The following SPAG9 variants were observed in gnomAD, a reference collection of about 807,000 sequenced individuals.
The protein encoded by SPAG9 is sperm associated antigen 9.
Under a neutral mutation model 166.5 loss-of-function variants are expected in SPAG9, and 35 were observed. The observed-to-expected ratio is 0.21, with a 90% CI of 0.16 to 0.28. The LOEUF (loss-of-function observed/expected upper bound fraction) is 0.28, where lower values mean the gene tolerates loss of function less well. Among genes scored for constraint, SPAG9 ranks in the 10% least tolerant of loss-of-function variants. The pLI is 1.00. For missense variants in SPAG9, 1,235 were observed against 1,603.3 expected, an observed-to-expected ratio of 0.77 and a Z score of 3.92; for synonymous variants, 534 against 565.5, an observed-to-expected ratio of 0.94 and a Z score of 0.79.
chr17:51,065,119 A>G (rs1446848599), intron 2 of SPAG9, among the ~76,000 whole-genome samples: 1 of 152,170 alleles, frequency 6.6e-6, no homozygotes, highest in Non-Finnish European at 1.5e-5. Context: ...ACAAAATTCC[A>G]TCTCAAAAAA....
intron 5 of SPAG9, among the ~76,000 whole-genome samples, chr17:51,035,251 A>C (rs1053743463): frequency 1.3e-5 from 2 of 152,214 alleles, no homozygotes; most frequent in African/African-American, 4.8e-5. Context: ...AGGTTTACCT[A>C]ACAGTATTGT....
chr17:50,970,784 T>TG lies in SPAG9; in HGVS notation c.3772dup (p.Gln1258ProfsTer5). ...CAAGGGCGTCTGACTACCAGGCTCC[T>TG]GTGCAGATGGCCCTGCTTTGTCACC... On this transcript the variant is annotated frameshift_variant, in exon 29 of 30. Transcript: ENST00000262013. LOFTEE classifies it high-confidence loss of function. 1 of 1,614,136 alleles carries TG rather than the reference T, an allele frequency of 6.2e-7. No homozygotes were observed. The highest frequency in any genetic ancestry group is 2.2e-5 in the East Asian group (1 of 44,882).
chr17:51,086,787 T>C (rs1463576963), intron 1 of SPAG9, among the ~76,000 whole-genome samples: 7 of 152,152 alleles, frequency 4.6e-5, no homozygotes, highest in Non-Finnish European at 1.0e-4. Context: ...CTGGGCGTGG[T>C]GGCAGGTGTG....
At chr17:50,976,946 A>C in intron 27 of SPAG9, 162 bp downstream of exon 27, 2 of 558,370 alleles carry the variant, frequency 3.6e-6, no homozygotes, top group South Asian at 4.5e-5. Context: ...ATACATGAAA[A>C]CTTATTTTCC....
chr17:50,974,747 T>A (rs1425856717), intron 28 of SPAG9, 24 bp downstream of exon 28: 20 of 1,571,314 alleles, frequency 1.3e-5, no homozygotes, highest in East Asian at 2.3e-5. Context: ...ACATGGAACA[T>A]CTCAACAGAA....
At chr17:51,083,543 TTTTATTTATTTA>T (rs71149341) in intron 1 of SPAG9, among the ~76,000 whole-genome samples, 58 of 141,176 alleles carry the variant, frequency 4.1e-4, no homozygotes, top group East Asian at 2.5e-3. Context: ...AGCCTCTTTA[TTTTATTTATTTA>T]TTTATTTATT....
At chr17:50,976,348 G>A (rs1974206925) in intron 27 of SPAG9, among the ~76,000 whole-genome samples, 1 of 152,116 alleles carries the variant, frequency 6.6e-6, no homozygotes, top group African/African-American at 2.4e-5. Context: ...ATAAGGAGAG[G>A]TCTAAATATG....
At chr17:51,106,211 A>G (rs1375782120) in intron 1 of SPAG9, among the ~76,000 whole-genome samples, 1 of 151,562 alleles carries the variant, frequency 6.6e-6, no homozygotes, top group Admixed American at 6.6e-5. Flanking sequence ...GTTGAGGCAA[A>G]AGAATCACTT....
intron 5 of SPAG9, among the ~76,000 whole-genome samples, chr17:51,041,201 G>A (rs1267910752): frequency 2.0e-5 from 3 of 152,078 alleles, no homozygotes; most frequent in Admixed American, 6.6e-5. Context: ...ATATAATTAG[G>A]TTCACTAGTT....
chr17:51,099,902 C>T (rs1055332534), intron 1 of SPAG9, among the ~76,000 whole-genome samples: 20 of 151,438 alleles, frequency 1.3e-4, no homozygotes, highest in Admixed American at 4.6e-4. Context: ...GACTTCGAGA[C>T]CAGCCTGGCC....
chr17:50,999,206 T>TAGTA (rs2044816526), intron 14 of SPAG9, among the ~76,000 whole-genome samples: 1 of 152,184 alleles, frequency 6.6e-6, no homozygotes, highest in Non-Finnish European at 1.5e-5. Context: ...AGTAAACACA[T>TAGTA]AGTACTTCTA....
intron 6 of SPAG9, among the ~76,000 whole-genome samples, chr17:51,021,703 T>C (rs967808940): frequency 2.6e-5 from 4 of 152,316 alleles, no homozygotes; most frequent in African/African-American, 9.6e-5. Context: ...AGACCTACTT[T>C]AGAACATTTA....
intron 1 of SPAG9, among the ~76,000 whole-genome samples, chr17:51,112,671 CAAAAAAAA>C (rs1206604151): frequency 7.2e-5 from 3 of 41,404 alleles, no homozygotes; most frequent in Non-Finnish European, 1.7e-4. Context: ...TCTGTCTCAA[CAAAAAAAA>C]AAAAAAAAAA....
At chr17:50,991,683 G>A (rs982254050) in intron 19 of SPAG9, among the ~76,000 whole-genome samples, 1 of 151,458 alleles carries the variant, frequency 6.6e-6, no homozygotes, top group Non-Finnish European at 1.5e-5. Flanking sequence ...GTGTGCAATG[G>A]TACAGTCTCG....
At chr17:51,057,941 G>A (rs1359196137) in intron 2 of SPAG9, among the ~76,000 whole-genome samples, 1 of 151,998 alleles carries the variant, frequency 6.6e-6, no homozygotes, top group Non-Finnish European at 1.5e-5. Context: ...TTTAAAAACA[G>A]GAAATCCAAG....
At chr17:51,049,562 C>G (rs1412015117) in intron 3 of SPAG9, among the ~76,000 whole-genome samples, 1 of 152,060 alleles carries the variant, frequency 6.6e-6, no homozygotes, top group African/African-American at 2.4e-5. Context: ...GCCTGTAGTA[C>G]CAGCTACTTG....
At chr17:51,047,010 T>G in intron 4 of SPAG9, 18 of 1,191,850 alleles carry the variant, frequency 1.5e-5, no homozygotes, top group Non-Finnish European at 1.7e-5. Context: ...GATGGCTAGC[T>G]AACCCTTTCA....
intron 2 of SPAG9, among the ~76,000 whole-genome samples, chr17:51,060,516 A>AG (rs1261941721): frequency 6.6e-6 from 1 of 151,306 alleles, no homozygotes; most frequent in East Asian, 1.9e-4. Context: ...AAAAAAAAAA[A>AG]AAAAAAAAAA....
chr17:51,101,772 C>T (rs939586781), intron 1 of SPAG9, among the ~76,000 whole-genome samples: 1 of 151,954 alleles, frequency 6.6e-6, no homozygotes, highest in African/African-American at 2.4e-5. Context: ...TATAGGCACC[C>T]GCCACCATGC....
Sources: allele counts gnomAD v4.1 joint callset (sites outside exome capture counted in the v4.1 genomes callset), GRCh38; gene constraint gnomAD v4.1.1; transcripts MANE v1.5; gene names NCBI Gene and HGNC (gene_info 2026-07-23, HGNC 2026-07-21).